Variants in PRDM8 observed in about 807,000 individuals in gnomAD.
PRDM8 encodes the protein PR domain zinc finger protein 8.
A neutral mutation model predicts 46.5 loss-of-function variants in PRDM8; 13 were observed. The ratio of observed to expected loss-of-function variants is 0.28; its 90% confidence interval spans 0.18 to 0.44. PRDM8 has a LOEUF of 0.44. Ranked by LOEUF, PRDM8 falls within the 20% of genes least tolerant of loss-of-function variation. The pLI is 1.00. For synonymous variants in PRDM8, 473 were observed against 438.4 expected (o/e 1.08, Z -0.98); for missense variants, 998 against 955.0 (o/e 1.04, Z -0.59).
At position 80,201,468 on chromosome 4, in the gene PRDM8, AACTG is replaced by A; in HGVS notation, c.404_407del (p.Thr135SerfsTer14). The A allele has an allele frequency of 1.2e-6, 2 of 1,614,192 alleles. No individual in the cohort carries two copies. Among genetic ancestry groups the A allele is most frequent in the Non-Finnish European group, 1.7e-6 (2 of 1,180,018 alleles). ...GAGTTACTAGTTTGGTACGGGAAAG[AACTG>A]ACTGAGTTACTCTTGCTCTGCCCCT... On this transcript the variant is annotated frameshift_variant, in exon 3 of 4. Coordinates refer to ENST00000415738, the MANE Select transcript of PRDM8 (RefSeq NM_001099403.2). LOFTEE classifies it high-confidence loss of function.
upstream of PRDM8, among the ~76,000 whole-genome samples, chr4:80,194,835 G>A (rs948274815): frequency 6.6e-6 from 1 of 152,154 alleles, no homozygotes; most frequent in Admixed American, 6.5e-5. Flanking sequence ...CTTCTCAGAT[G>A]TATAAAATTG....
chr4:80,203,255 C>T lies in PRDM8; in HGVS notation c.1793C>T (p.Ala598Val). 1.3e-6 allele frequency: 2 copies of T among 1,567,394 alleles called. No individual in the cohort carries two copies. Among genetic ancestry groups the T allele is most frequent in the South Asian group, 1.2e-5 (1 of 86,518 alleles). The stretch of plus-strand genomic sequence containing the variant: ...GCAGCCGCGGCTGCGGCGGCGGCCG[C>T]GGGGCCCTTGCAGCTGCAGCTGCCC... ...AAAAAAAAAAAGPLQLQLPSA... is the reference protein window; with the variant it reads ...AAAAAAAAAAVGPLQLQLPSA... Residue 598 changes from alanine (A) to valine (V), a missense_variant, in exon 4 of 4, where the codon GCG becomes GTG. Transcript: ENST00000415738.
chr4:80,190,422 C>T (rs1418954216), intron 1 of PRDM8, among the ~76,000 whole-genome samples: 1 of 152,220 alleles, frequency 6.6e-6, no homozygotes, highest in Non-Finnish European at 1.5e-5. Context: ...TCACGGTTTG[C>T]GCACTGTGCG....
At chr4:80,201,224 C>A in intron 2 of PRDM8, 66 bp from the exon 3 acceptor site, 1 of 1,392,794 alleles carries the variant, frequency 7.2e-7, no homozygotes, top group Non-Finnish European at 1.0e-6. Context: ...CTTCTGATTT[C>A]ATTCCCTCAT....
At chr4:80,201,793 G>A (rs1224891233) in intron 3 of PRDM8, 121 bp from the exon 4 acceptor site, 2 of 1,408,954 alleles carry the variant, frequency 1.4e-6, no homozygotes, top group Admixed American at 1.8e-5. Flanking sequence ...GAGAAATGAA[G>A]GTGGATTTGT....
chr4:80,195,271 C>T (rs1737855994), upstream of PRDM8, among the ~76,000 whole-genome samples: 2 of 152,188 alleles, frequency 1.3e-5, no homozygotes, highest in African/African-American at 4.8e-5. Flanking sequence ...TAAGGGACCA[C>T]ATGACTCTCT....
chr4:80,200,054 T>G, intron 1 of PRDM8, 25 bp from the exon 2 acceptor site: 2 of 1,581,292 alleles, frequency 1.3e-6, no homozygotes, highest in Admixed American at 1.7e-5. Flanking sequence ...TAACTCACTT[T>G]CTTGTGCTGT....
At chr4:80,188,768 A>G (rs1465397098) in intron 1 of PRDM8, among the ~76,000 whole-genome samples, 2 of 152,226 alleles carry the variant, frequency 1.3e-5, no homozygotes, top group Admixed American at 6.5e-5. Context: ...GCTCCCGTTC[A>G]GGGCTGCTCC....
chr4:80,201,192 CAT>C, intron 2 of PRDM8, 96 bp from the exon 3 acceptor site: 2 of 1,185,136 alleles, frequency 1.7e-6, no homozygotes, highest in Non-Finnish European at 2.4e-6. Flanking sequence ...AAAAGACTAA[CAT>C]AGAAGAAATG....
Position 80,202,967 on chromosome 4 carries a change from C to G in PRDM8, c.1505C>G (p.Ser502Trp). 2 of 1,491,692 alleles carry G rather than the reference C, an allele frequency of 1.3e-6. No homozygotes were observed. Among genetic ancestry groups the G allele is most frequent in the Non-Finnish European group, 8.9e-7 (1 of 1,129,200 alleles). 92.4% of individuals were successfully genotyped at this position (1,491,692 alleles called of 1,614,324 possible). A position where few individuals can be genotyped will look rare whatever the true frequency, so the allele number is the denominator to read the frequency against. Residue 502 changes from serine to tryptophan, a missense_variant, in exon 4 of 4, where the codon TCG becomes TGG. By Grantham distance (177) the Ser-to-Trp change is radical. Transcript: ENST00000415738. ...AASDERKSAF[S>W]QPARSFSQLS... is the part of the protein sequence containing the mutation. ...TCGGACGAGCGCAAAAGCGCCTTCT[C>G]GCAGCCAGCACGCTCTTTCTCGCAG... is the stretch of plus-strand genomic sequence containing the variant.
Position 80,201,047 on chromosome 4 carries a change from A to G in PRDM8, c.220-243A>G, listed in dbSNP as rs190267405. Among the ~76,000 whole-genome samples, 9 of 152,356 alleles carry G rather than the reference A, an allele frequency of 5.9e-5. No individual in the cohort carries two copies. The East Asian group carries it at 1.5e-3, about 26-fold the overall frequency. ...CATTTAGTATTCAACCAATATATAA[A>G]AACGGTGACTTAAATAAACTATATG... is the stretch of plus-strand genomic sequence containing the variant. On this transcript the variant is annotated intron_variant, in intron 2 of 3. Transcript: ENST00000415738.
At chr4:80,190,298 C>T (rs960438414) in intron 1 of PRDM8, 1 of 152,268 alleles carries the variant, frequency 6.6e-6, no homozygotes, top group Non-Finnish European at 1.5e-5. Flanking sequence ...CGGTGGAAGG[C>T]TAAAGAACAT....
Position 80,200,142 on chromosome 4 carries a change from G to T in PRDM8, c.62G>T (p.Cys21Phe). Residue 21 changes from cysteine to phenylalanine, a missense_variant, in exon 2 of 4, where the codon TGT becomes TTT. Physicochemically the swap from Cys to Phe is radical, Grantham distance 205. Coordinates refer to ENST00000415738, the MANE Select transcript of PRDM8 (RefSeq NM_001099403.2). The stretch of plus-strand genomic sequence containing the variant: ...GGAGATGCCAAGGCTGTCCAACAAT[G>T]TCTGACAGATATTTTTACCAGCGTT... Reference protein sequence around the residue: ...WDGDAKAVQQCLTDIFTSVYT... With the variant: ...WDGDAKAVQQFLTDIFTSVYT... 12 of 1,614,104 alleles carry T rather than the reference G, an allele frequency of 7.4e-6. No individual in the cohort carries two copies. Among genetic ancestry groups the T allele is most frequent in the Non-Finnish European group, 1.0e-5 (12 of 1,180,008 alleles).
upstream of PRDM8, chr4:80,196,351 G>A: frequency 1.0e-6 from 1 of 985,452 alleles, no homozygotes; most frequent in South Asian, 4.7e-5. Context: ...TCTTCCTTTA[G>A]GAGTAGAGAA....
At chr4:80,194,062 C>T (rs1737760309), upstream of PRDM8, 4 of 184,496 alleles carry the variant, frequency 2.2e-5, no homozygotes, top group South Asian at 7.3e-4. Context: ...TTCTAATACT[C>T]CCTAAGAATT....
chr4:80,197,422 A>G, upstream of PRDM8: 2 of 984,176 alleles, frequency 2.0e-6, no homozygotes, highest in Non-Finnish European at 2.4e-6. Flanking sequence ...GCAAAGAGTT[A>G]AAGGGAGGGG....
In PRDM8 at chr4:80,201,288, A is replaced by C. The variant is rs1738418624; in HGVS notation, c.220-2A>C. 6.2e-7 allele frequency: 1 copy of C among 1,613,886 alleles called. No homozygotes were observed. Among genetic ancestry groups the C allele is most frequent in the Non-Finnish European group, 8.5e-7 (1 of 1,179,888 alleles). On this transcript the variant is annotated splice_acceptor_variant, in intron 2 of 3. Coordinates refer to ENST00000415738, the MANE Select transcript of PRDM8 (RefSeq NM_001099403.2). LOFTEE classifies it high-confidence loss of function. The stretch of plus-strand genomic sequence containing the variant: ...TCTTCTTTCATTTATTTCAAACCGC[A>C]GGTAGACACCTCAGCAGCAAATGGT...
Position 80,203,541 on chromosome 4 carries a change from G to A in PRDM8, c.*9G>A. 1 of 1,599,830 alleles carries A rather than the reference G, an allele frequency of 6.3e-7. No homozygotes were observed. The highest frequency in any genetic ancestry group is 1.3e-5 in the African/African-American group (1 of 74,612). On this transcript the variant is annotated 3_prime_UTR_variant, in exon 4 of 4. Coordinates refer to ENST00000415738, the MANE Select transcript of PRDM8 (RefSeq NM_001099403.2). ...TGACCTCGCATAATTGACTCGGAAAGGACCCCAGCTTTCCACGCGCGCGCA... is the reference window on the plus strand; with the variant it reads ...TGACCTCGCATAATTGACTCGGAAAAGACCCCAGCTTTCCACGCGCGCGCA...
chr4:80,203,444 G>A lies in PRDM8; in HGVS notation c.1982G>A (p.Arg661Gln), dbSNP rs1207292488. 6.2e-7 allele frequency: 1 copy of A among 1,613,148 alleles called. No individual in the cohort carries two copies. Among genetic ancestry groups the A allele is most frequent in the African/African-American group, 1.3e-5 (1 of 74,860 alleles). The change falls in exon 4 of 4, where the codon CGG (arginine) becomes CAG (glutamine). Residue 661 changes from arginine to glutamine, a missense_variant. Transcript: ENST00000415738. Reference protein sequence around the residue: ...EYAMEPLVKRRREEKLKCPIC... With the variant: ...EYAMEPLVKRQREEKLKCPIC... Reference sequence around the variant, plus strand: ...GCGATGGAGCCCTTGGTGAAGCGGCGGCGAGAGGAGAAACTCAAGTGCCCC... The same window carrying A: ...GCGATGGAGCCCTTGGTGAAGCGGCAGCGAGAGGAGAAACTCAAGTGCCCC...
Sources: gnomAD v4.1 joint callset for allele counts (sites outside exome capture counted in the v4.1 genomes callset) on GRCh38, gnomAD v4.1.1 for gene constraint, MANE v1.5 for transcripts, NCBI Gene and HGNC (gene_info 2026-07-23, HGNC 2026-07-21) for gene names.